JAK2: variants seen among roughly 807,000 people sequenced by gnomAD.
JAK2 encodes the protein tyrosine-protein kinase JAK2.
In JAK2, 86 loss-of-function variants were observed where a neutral mutation model predicts 139.3. The observed-to-expected ratio is 0.62, with a 90% CI of 0.52 to 0.74. The LOEUF (loss-of-function observed/expected upper bound fraction) is 0.74. Ranked by LOEUF, JAK2 falls within the 30% of genes least tolerant of loss-of-function variation. JAK2 has a pLI of 0.00. For missense variants in JAK2, 1,421 were observed against 1,360.3 expected (o/e 1.04, Z -0.70); for synonymous variants, 490 against 437.7 (o/e 1.12, Z -1.49).
At position 5,066,931 on chromosome 9, in the gene JAK2, G is replaced by C. The variant is rs575823853; in HGVS notation, c.1326+142G>C. ...ACTAGTATAATGCTTAATTTCCTCA[G>C]AGATTCTGTACAAATAAACAAGTTA... On this transcript the variant is annotated intron_variant, in intron 10 of 24. Transcript: ENST00000381652. 1.6e-3 allele frequency: 619 copies of C among 384,110 alleles called. 1 individual carries two copies. Among genetic ancestry groups the C allele is most frequent in the Non-Finnish European group, 2.1e-3 (462 of 217,986 alleles). 23.8% of individuals were successfully genotyped at this position (384,110 alleles called of 1,614,324 possible). A position where few individuals can be genotyped will look rare whatever the true frequency, so the allele number is the denominator to read the frequency against.
intron 13 of JAK2, among the ~76,000 whole-genome samples, chr9:5,073,192 G>C (rs945449761): frequency 1.3e-5 from 2 of 152,234 alleles, no homozygotes; most frequent in African/African-American, 4.8e-5. Flanking sequence ...CACAGTATTG[G>C]TGATTGTGAT....
At chr9:5,030,226 G>A (rs1563938310) in intron 4 of JAK2, among the ~76,000 whole-genome samples, 1 of 152,120 alleles carries the variant, frequency 6.6e-6, no homozygotes. Context: ...TTGCTGGTTT[G>A]TGCAGCGTTT....
At chr9:5,112,225 CG>C (rs565397028) in intron 22 of JAK2, 29 of 270,838 alleles carry the variant, frequency 1.1e-4, no homozygotes, top group East Asian at 7.9e-4. Context: ...GGGGGCAGCA[CG>C]CAGGCCTGGT....
At chr9:5,110,514 A>C (rs1432148545) in intron 22 of JAK2, 1 of 155,914 alleles carries the variant, frequency 6.4e-6, no homozygotes, top group Non-Finnish European at 1.4e-5. Flanking sequence ...CCACAATCTC[A>C]ATGATGAACA....
chr9:5,120,043 A>G (rs2130842200), intron 22 of JAK2, among the ~76,000 whole-genome samples: 1 of 152,354 alleles, frequency 6.6e-6, no homozygotes, highest in East Asian at 1.9e-4. Flanking sequence ...TATAAAGAAC[A>G]GAAATTTATT....
At chr9:5,019,000 A>G (rs150884057) in intron 2 of JAK2, among the ~76,000 whole-genome samples, 1 of 152,286 alleles carries the variant, frequency 6.6e-6, no homozygotes, top group African/African-American at 2.4e-5. Context: ...TGTCTTTGAC[A>G]AACTGTTGAC....
In JAK2 at chr9:5,080,566, C is replaced by T. The variant is rs2130607695; in HGVS notation, c.2317C>T (p.Pro773Ser). ...ATTTTATGAAGATAGGCATCAGCTT[C>T]CTGCACCAAAGTGGGCAGAATTAGC... Reference protein sequence around the residue: ...LQFYEDRHQLPAPKWAELANL... With the variant: ...LQFYEDRHQLSAPKWAELANL... The change falls in exon 18 of 25, where the codon CCT becomes TCT. Residue 773 changes from proline (P) to serine (S), a missense_variant. Physicochemically the swap from Pro to Ser is moderately conservative, Grantham distance 74. Transcript: ENST00000381652. The T allele has an allele frequency of 6.3e-7, 1 of 1,597,838 alleles. No individual in the cohort carries two copies. The highest frequency in any genetic ancestry group is 8.5e-7 in the Non-Finnish European group (1 of 1,175,910).
rs531374595 is a variant in JAK2 at position 5,113,191 on chromosome 9, CTTTTTTTTTTTTT to C, written c.3060-9797_3060-9785del. ...GCCCTGTTGTCTGGGCTGGCAGGAG[CTTTTTTTTTTTTT>C]TTTTTTTTTTTTTTTCCAGTAAACA... is the stretch of plus-strand genomic sequence containing the variant. On this transcript the variant is annotated intron_variant, in intron 22 of 24. Coordinates refer to ENST00000381652, the MANE Select transcript of JAK2 (RefSeq NM_004972.4). 1.2e-4 allele frequency among the ~76,000 whole-genome samples: 7 copies of C among 57,160 alleles called. 1 individual carries two copies. Among genetic ancestry groups the C allele is most frequent in the African/African-American group, 2.5e-4 (3 of 12,200 alleles). The allele number at this position is 57,160 out of a possible 152,430, so 37.5% of individuals were successfully genotyped here. A position where few individuals can be genotyped will look rare whatever the true frequency, so the allele number is the denominator to read the frequency against.
chr9:5,044,137 T>C lies in JAK2; in HGVS notation c.351-266T>C, dbSNP rs150992066. On this transcript the variant is annotated intron_variant, in intron 4 of 24. Transcript: ENST00000381652. ...ATGTTTTTAACTTTTTGTTAATTTC[T>C]ACATTTTTTGTTTCCTACTATTGCT... 1.2e-3 allele frequency among the ~76,000 whole-genome samples: 177 copies of C among 152,390 alleles called. 1 individual carries two copies. The highest frequency in any genetic ancestry group is 3.9e-3 in the African/African-American group (162 of 41,600).
At chr9:5,076,430 G>A (rs962358756) in intron 14 of JAK2, among the ~76,000 whole-genome samples, 3 of 152,208 alleles carry the variant, frequency 2.0e-5, no homozygotes, top group African/African-American at 2.4e-5. Flanking sequence ...AGTCAGCAGC[G>A]ATTAACATCA....
rs142367464 is a variant in JAK2, at chr9:5,004,558, T to C, written c.-25-17405T>C. ...TCTGTTGATGGACACTTAGGTTGAT[T>C]CTTTATCTTGGCTATTAAGAATAAT... On this transcript the variant is annotated intron_variant, in intron 2 of 24. Transcript: ENST00000381652. Among the ~76,000 whole-genome samples, 69 of 152,330 alleles carry C rather than the reference T, an allele frequency of 4.5e-4. 1 individual carries two copies. The highest frequency in any genetic ancestry group is 1.6e-3 in the African/African-American group (68 of 41,576).
chr9:5,025,538 CTT>C (rs34901657), intron 3 of JAK2, among the ~76,000 whole-genome samples: 4 of 140,320 alleles, frequency 2.9e-5, no homozygotes, highest in African/African-American at 2.6e-5. Flanking sequence ...AGTTTGTTTC[CTT>C]TTTTTTTTTT....
intron 19 of JAK2, among the ~76,000 whole-genome samples, chr9:5,087,485 T>C (rs1388944799): frequency 6.8e-6 from 1 of 147,316 alleles, no homozygotes; most frequent in African/African-American, 2.7e-5. Flanking sequence ...CTCCCTTACT[T>C]GATTTCTTTC....
intron 5 of JAK2, among the ~76,000 whole-genome samples, chr9:5,044,759 T>C (rs189921037): frequency 6.6e-6 from 1 of 152,354 alleles, no homozygotes; most frequent in Non-Finnish European, 1.5e-5. Context: ...TTTCTTTCTT[T>C]TTTAGGACTT....
At chr9:5,058,941 A>C (rs2130444190) in intron 8 of JAK2, among the ~76,000 whole-genome samples, 1 of 152,198 alleles carries the variant, frequency 6.6e-6, no homozygotes, top group Middle Eastern at 3.4e-3. Context: ...TCCCTTTTCA[A>C]ATATATGATT....
At chr9:5,104,779 A>G (rs1821818295) in intron 22 of JAK2, among the ~76,000 whole-genome samples, 1 of 152,236 alleles carries the variant, frequency 6.6e-6, no homozygotes, top group Non-Finnish European at 1.5e-5. Flanking sequence ...AACGTAATCC[A>G]TAACATAAAC....
chr9:4,989,973 T>A (rs1244825931), intron 2 of JAK2, among the ~76,000 whole-genome samples: 1 of 152,196 alleles, frequency 6.6e-6, no homozygotes, highest in East Asian at 1.9e-4. Flanking sequence ...GAAATAAGTA[T>A]TTTAGGAAAA....
At chr9:5,069,320 A>T in intron 11 of JAK2, 112 bp downstream of exon 11, 1 of 673,514 alleles carries the variant, frequency 1.5e-6, no homozygotes, top group Non-Finnish European at 2.5e-6. Context: ...CAGCTCTAAA[A>T]GTTAATTTTA....
At chr9:5,053,665 C>G (rs1282005111) in intron 6 of JAK2, among the ~76,000 whole-genome samples, 2 of 151,976 alleles carry the variant, frequency 1.3e-5, no homozygotes, top group African/African-American at 4.8e-5. Context: ...TGGCTATGTA[C>G]ATGCTTTCAA....
Sources: allele counts gnomAD v4.1 joint callset (sites outside exome capture counted in the v4.1 genomes callset), GRCh38; gene constraint gnomAD v4.1.1; transcripts MANE v1.5; gene names NCBI Gene and HGNC (gene_info 2026-07-23, HGNC 2026-07-21).